KLHDC4: variants seen among roughly 807,000 people sequenced by gnomAD.
KLHDC4 encodes kelch domain-containing protein 4.
KLHDC4 carries 90 observed loss-of-function variants against 62.4 expected under a neutral mutation model. That is an observed-to-expected ratio of 1.44 (90% confidence interval 1.22 to 1.72). The LOEUF (loss-of-function observed/expected upper bound fraction) is 1.72. Among genes scored for constraint, KLHDC4 ranks in the 40% most tolerant of loss-of-function variants. The pLI is 0.00. For synonymous variants in KLHDC4, 386 were observed against 284.4 expected (o/e 1.36, Z -3.59); for missense variants, 1,025 against 699.7 (o/e 1.47, Z -5.25).
In KLHDC4 at chr16:87,709,253, T is replaced by C; in HGVS notation, c.1447+12A>G. 6.2e-7 allele frequency: 1 copy of C among 1,600,752 alleles called. No homozygotes were observed. Among genetic ancestry groups the C allele is most frequent in the Non-Finnish European group, 8.5e-7 (1 of 1,172,628 alleles). On this transcript the variant is annotated intron_variant, in intron 10 of 11. Coordinates refer to ENST00000270583, the MANE Select transcript of KLHDC4 (RefSeq NM_017566.4). The stretch of plus-strand genomic sequence containing the variant: ...GCTCCCGGGCACGGAGGCACCAAGC[T>C]GCCTGGCTCACCTGGGTCCATCTCC...
At chr16:87,728,621 T>C (rs192384988) in intron 6 of KLHDC4, among the ~76,000 whole-genome samples, 404 of 152,302 alleles carry the variant, frequency 2.7e-3, no homozygotes, top group Non-Finnish European at 4.3e-3. Context: ...TAGTAGGTAA[T>C]GAATTAATGC....
rs546817647 is a variant in KLHDC4 at position 87,748,610 on chromosome 16, G to A, written c.506+63C>T. On this transcript the variant is annotated intron_variant, in intron 5 of 11. Transcript: ENST00000270583. Reference sequence around the variant, plus strand: ...ATTCTGAGGTCTGCTCCGAGCACTCGGGCTCAGCACACAAGCACAGAAGAG... The same window carrying A: ...ATTCTGAGGTCTGCTCCGAGCACTCAGGCTCAGCACACAAGCACAGAAGAG... The A allele has an allele frequency of 8.6e-5, 138 of 1,599,580 alleles. No individual in the cohort carries two copies. The Middle Eastern group carries it at 1.2e-3, about 14-fold the overall frequency.
rs375014081 is a variant in KLHDC4 at position 87,716,157 on chromosome 16, C to T, written c.760-1584G>A. On this transcript the variant is annotated intron_variant, in intron 7 of 11. Coordinates refer to ENST00000270583, the MANE Select transcript of KLHDC4 (RefSeq NM_017566.4). ...GATATTTATGTAGACTTTGGGTACG[C>T]GCTATGTCTCGTGGATATTGACGTA... Among the ~76,000 whole-genome samples the T allele has an allele frequency of 7.3e-5, 11 of 150,068 alleles. No individual in the cohort carries two copies. In the South Asian group the frequency reaches 1.2e-3, roughly 17 times the overall value.
At chr16:87,702,381 C>T (rs893720601) in exon 1 of KLHDC4, 4 of 422,630 alleles carry the variant, frequency 9.5e-6, no homozygotes, top group African/African-American at 2.0e-5. Flanking sequence ...GCGGGCCCTG[C>T]AGGGCAGTGC....
chr16:87,734,417 G>C (rs1410144353), intron 5 of KLHDC4, among the ~76,000 whole-genome samples: 2 of 152,112 alleles, frequency 1.3e-5, no homozygotes, highest in Non-Finnish European at 2.9e-5. Context: ...TCTAATCCAA[G>C]TTTACTGAAG....
rs191269689 is a variant in KLHDC4 at position 87,751,746 on chromosome 16, T to C, written c.370-2937A>G. ...CCAGCCTTCACAACAAGCAAGACCC[T>C]ATTTCTAAAATATAAAAAATAAAGC... On this transcript the variant is annotated intron_variant, in intron 4 of 11. Transcript: ENST00000270583. 2.6e-5 allele frequency among the ~76,000 whole-genome samples: 4 copies of C among 152,054 alleles called. No homozygotes were observed. In the East Asian group the frequency reaches 7.8e-4, roughly 30 times the overall value.
chr16:87,720,676 C>T (rs985972464), intron 7 of KLHDC4, among the ~76,000 whole-genome samples: 10 of 152,242 alleles, frequency 6.6e-5, no homozygotes, highest in African/African-American at 1.7e-4. Context: ...CATGAAGCCG[C>T]GCGCCCCCTC....
downstream of KLHDC4, among the ~76,000 whole-genome samples, chr16:87,706,783 G>T (rs562977424): frequency 6.6e-6 from 1 of 152,308 alleles, no homozygotes; most frequent in East Asian, 1.9e-4. Flanking sequence ...AGATGATCCT[G>T]AGAGGCGACA....
At position 87,709,447 on chromosome 16, in the gene KLHDC4, G is replaced by GCCTCCTCAAGGCTGTCTTCGT; in HGVS notation, c.1244_1264dup (p.Asp415_Glu421dup). 6.2e-7 allele frequency: 1 copy of GCCTCCTCAAGGCTGTCTTCGT among 1,612,258 alleles called. No homozygotes were observed. The highest frequency in any genetic ancestry group is 8.5e-7 in the Non-Finnish European group (1 of 1,179,930). Reference sequence around the variant, plus strand: ...ACACGGCCCAGGTGCGGGGCTGCCGGCCTCCTCAAGGCTGTCTTCGTCCTC... The same window carrying GCCTCCTCAAGGCTGTCTTCGT: ...ACACGGCCCAGGTGCGGGGCTGCCGGCCTCCTCAAGGCTGTCTTCGTCCTCCTCAAGGCTGTCTTCGTCCTC... On this transcript the variant is annotated inframe_insertion, in exon 10 of 12. Transcript: ENST00000270583.
chr16:87,710,422 GT>G (rs1273033534), intron 9 of KLHDC4: 3 of 152,194 alleles, frequency 2.0e-5, no homozygotes, highest in Non-Finnish European at 4.4e-5. Context: ...GATCCACTTT[GT>G]GTCTGGACTC....
intron 10 of KLHDC4, 76 bp from the exon 11 acceptor site, chr16:87,708,542 C>T: frequency 9.1e-7 from 1 of 1,096,592 alleles, no homozygotes. Context: ...ACGGTGGTGG[C>T]TACGTCCTGG....
At chr16:87,737,858 T>C (rs2041605458) in intron 5 of KLHDC4, among the ~76,000 whole-genome samples, 2 of 152,184 alleles carry the variant, frequency 1.3e-5, no homozygotes, top group Admixed American at 6.5e-5. Context: ...CCCAAAGTGC[T>C]GGGATTACAG....
chr16:87,714,764 G>A (rs1597416041), intron 7 of KLHDC4, among the ~76,000 whole-genome samples, 191 bp from the exon 8 acceptor site: 1 of 152,162 alleles, frequency 6.6e-6, no homozygotes, highest in Admixed American at 6.5e-5. Context: ...CCCCCAAATG[G>A]GTCCATCTGA....
At chr16:87,752,089 C>CAAAAAAAAAA (rs1173625123) in intron 4 of KLHDC4, among the ~76,000 whole-genome samples, 302 of 29,418 alleles carry the variant, frequency 0.01, 30 homozygotes, top group Middle Eastern at 0.071. Context: ...GACTTTGTCT[C>CAAAAAAAAAA]AAAAAAAAAA....
At chr16:87,733,934 G>C (rs541494282) in intron 5 of KLHDC4, among the ~76,000 whole-genome samples, 1 of 152,240 alleles carries the variant, frequency 6.6e-6, no homozygotes, top group Non-Finnish European at 1.5e-5. Flanking sequence ...ACGCAAGTCA[G>C]TGCCTATTTA....
intron 4 of KLHDC4, among the ~76,000 whole-genome samples, chr16:87,753,460 G>C (rs936928691): frequency 1.3e-5 from 2 of 152,156 alleles, no homozygotes; most frequent in African/African-American, 4.8e-5. Flanking sequence ...GCAAGGAACT[G>C]AATCACCTCA....
chr16:87,707,000 G>T (rs1382492084), downstream of KLHDC4, among the ~76,000 whole-genome samples: 1 of 152,232 alleles, frequency 6.6e-6, no homozygotes, highest in African/African-American at 2.4e-5. Context: ...TCAACTCCCA[G>T]ATAAGAAATG....
intron 2 of KLHDC4, among the ~76,000 whole-genome samples, chr16:87,759,392 T>C (rs2143411108): frequency 6.6e-6 from 1 of 150,438 alleles, no homozygotes; most frequent in African/African-American, 2.5e-5. Context: ...CACTCCAGCC[T>C]GGGCAACAAA....
intron 10 of KLHDC4, among the ~76,000 whole-genome samples, chr16:87,708,967 C>T (rs1366614748): frequency 1.3e-5 from 2 of 152,246 alleles, no homozygotes; most frequent in Admixed American, 6.5e-5. Flanking sequence ...CCGGCTCGGA[C>T]GGCCATCCAC....
Sources: gnomAD v4.1 joint callset for allele counts (sites outside exome capture counted in the v4.1 genomes callset) on GRCh38, gnomAD v4.1.1 for gene constraint, MANE v1.5 for transcripts, NCBI Gene and HGNC (gene_info 2026-07-23, HGNC 2026-07-21) for gene names.